The following SORCS1 variants were observed in gnomAD, a reference collection of about 807,000 sequenced individuals.
The protein encoded by SORCS1 is sortilin related VPS10 domain containing receptor 1.
SORCS1 carries 60 observed loss-of-function variants against 146.1 expected under a neutral mutation model. The ratio of observed to expected loss-of-function variants is 0.41; its 90% CI spans 0.33 to 0.51. The LOEUF (loss-of-function observed/expected upper bound fraction) is 0.51. Ranked by LOEUF, SORCS1 falls within the 20% of genes least tolerant of loss-of-function variation. The pLI is 0.21. For synonymous variants in SORCS1, 637 were observed against 584.0 expected, an observed-to-expected ratio of 1.09 and a Z score of -1.31; for missense variants, 1,352 against 1,487.6, an observed-to-expected ratio of 0.91 and a Z score of 1.50.
chr10:106,804,338 G>GAAAATAAAGTAAAAT lies in SORCS1; in HGVS notation c.726+25235_726+25236insATTTTACTTTATTTT, dbSNP rs1554847550. Among the ~76,000 whole-genome samples the GAAAATAAAGTAAAAT allele has an allele frequency of 4.2e-3, 585 of 138,336 alleles. 8 individuals carry two copies. Among genetic ancestry groups the GAAAATAAAGTAAAAT allele is most frequent in the African/African-American group, 0.015 (565 of 36,694 alleles). 90.8% of individuals were successfully genotyped at this position (138,336 alleles called of 152,430 possible). ...CAGAGTGAAACTCTGTTTCCGAAGA[G>GAAAATAAAGTAAAAT]AAAATAAAATAAAATAAAATAAAAT... On this transcript the variant is annotated intron_variant, in intron 3 of 25. Coordinates refer to ENST00000263054, the MANE Select transcript of SORCS1 (RefSeq NM_052918.5).
At chr10:106,686,550 GT>G (rs1433608691) in intron 10 of SORCS1, among the ~76,000 whole-genome samples, 14 of 152,248 alleles carry the variant, frequency 9.2e-5, no homozygotes, top group Admixed American at 5.9e-4. Flanking sequence ...AGGTGGCCCT[GT>G]TTTTTAAAAT....
At chr10:106,909,534 C>G (rs1257307375) in intron 2 of SORCS1, among the ~76,000 whole-genome samples, 1 of 152,172 alleles carries the variant, frequency 6.6e-6, no homozygotes, top group African/African-American at 2.4e-5. Context: ...CATTTCTCTA[C>G]TTAACCTCTG....
intron 1 of SORCS1, among the ~76,000 whole-genome samples, chr10:106,970,336 C>CTTTTTTTTTTTTTTTTTTTTTTCTT (rs766818370): frequency 1.1e-5 from 1 of 89,454 alleles, no homozygotes; most frequent in African/African-American, 5.4e-5. Flanking sequence ...ACCAACATCT[C>CTTTTTTTTTTTTTTTTTTTTTTCTT]TTTTTTTTTT....
At chr10:107,172,555 C>T in the SORCS1 span, among the ~76,000 whole-genome samples, 1 of 152,208 alleles carries the variant, frequency 6.6e-6, no homozygotes, top group Non-Finnish European at 1.5e-5. Flanking sequence ...TTAGCCATCT[C>T]CTCCATTAGA....
intron 24 of SORCS1, among the ~76,000 whole-genome samples, chr10:106,595,120 G>A (rs1007677435): frequency 6.6e-6 from 1 of 152,118 alleles, no homozygotes; most frequent in South Asian, 2.1e-4. Context: ...GTAGGAAAAG[G>A]CCAGTCAGGA....
chr10:106,736,844 T>C (rs962073279), intron 5 of SORCS1, among the ~76,000 whole-genome samples: 1 of 152,108 alleles, frequency 6.6e-6, no homozygotes, highest in Non-Finnish European at 1.5e-5. Context: ...CAAAGGTGCC[T>C]ACTAAAAATA....
chr10:106,730,613 C>G, intron 5 of SORCS1, among the ~76,000 whole-genome samples: 2 of 152,180 alleles, frequency 1.3e-5, no homozygotes, highest in East Asian at 3.9e-4. Flanking sequence ...AGTGATGATT[C>G]TCTGTATTGT....
chr10:106,596,263 C>T (rs1845898619), intron 24 of SORCS1, among the ~76,000 whole-genome samples: 1 of 152,316 alleles, frequency 6.6e-6, no homozygotes, highest in East Asian at 1.9e-4. Context: ...CTACACCGAA[C>T]TTCCCCACAC....
rs1389743092 is a variant in SORCS1 at position 106,829,794 on chromosome 10, T to C, written c.627-121A>G. 6 of 588,262 alleles carry C rather than the reference T, an allele frequency of 1.0e-5. 1 individual carries two copies. The Admixed American group carries it at 1.5e-4, about 15-fold the overall frequency. The allele number at this position is 588,262 out of a possible 1,614,324, so 36.4% of individuals were successfully genotyped here. On this transcript the variant is annotated intron_variant, in intron 2 of 25. Coordinates refer to ENST00000263054, the MANE Select transcript of SORCS1 (RefSeq NM_052918.5). ...GGAGGTTTCTCAATGATTCATGTAG[T>C]ATATAATGATGCTTAATTATGTACA... is the stretch of plus-strand genomic sequence containing the variant.
intron 1 of SORCS1, among the ~76,000 whole-genome samples, chr10:107,087,497 C>A (rs1963850994): frequency 6.6e-6 from 1 of 152,162 alleles, no homozygotes; most frequent in Non-Finnish European, 1.5e-5. Flanking sequence ...CAGTTTTAAC[C>A]TAACGGAATA....
chr10:107,164,015 G>A lies in SORCS1; in HGVS notation c.512C>T (p.Ser171Leu). ...TSTTFALTGDSAHNQAMVHWS... is the reference protein window; with the variant it reads ...TSTTFALTGDLAHNQAMVHWS... Reference sequence around the variant, plus strand: ...GTGGACCATGGCTTGGTTGTGTGCTGAGTCTCCCGTCAGCGCAAACGTGGT... The same window carrying A: ...GTGGACCATGGCTTGGTTGTGTGCTAAGTCTCCCGTCAGCGCAAACGTGGT... The change falls in exon 1 of 26, where the codon TCA (serine) becomes TTA (leucine). Residue 171 changes from serine to leucine, a missense_variant. By Grantham distance (145) the Ser-to-Leu change is moderately radical. Around this residue, in one of 3 missense-constraint regions of SORCS1, gnomAD observed 490 missense variants for 489.1 expected, o/e 1.00. Transcript: ENST00000263054. This position sits in a 1 kb window ranked among gnomAD's most constrained non-coding sequence, Gnocchi z 6.8. The A allele has an allele frequency of 6.2e-7, 1 of 1,614,018 alleles. No homozygotes were observed. The highest frequency in any genetic ancestry group is 8.5e-7 in the Non-Finnish European group (1 of 1,180,008).
At chr10:107,168,033 A>T (rs1332655911), upstream of SORCS1, among the ~76,000 whole-genome samples, 1 of 152,122 alleles carries the variant, frequency 6.6e-6, no homozygotes, top group Non-Finnish European at 1.5e-5. Flanking sequence ...TCACAAACAG[A>T]ATAATATCCA....
chr10:106,832,697 G>T (rs940287054), intron 2 of SORCS1, among the ~76,000 whole-genome samples: 13 of 152,250 alleles, frequency 8.5e-5, no homozygotes, highest in African/African-American at 2.9e-4. Flanking sequence ...GGCGGGGATG[G>T]TGGGAGAAGA....
intron 1 of SORCS1, among the ~76,000 whole-genome samples, chr10:107,048,844 G>A (rs1959790077): frequency 1.3e-5 from 2 of 152,186 alleles, no homozygotes; most frequent in Admixed American, 1.3e-4. Flanking sequence ...ACAGCCACAT[G>A]ACACTAAGGC....
intron 2 of SORCS1, among the ~76,000 whole-genome samples, chr10:106,833,443 A>G (rs1948651091): frequency 6.6e-6 from 1 of 152,220 alleles, no homozygotes; most frequent in Non-Finnish European, 1.5e-5. Flanking sequence ...AGAACCAACA[A>G]TCAGCCGGCG....
chr10:106,844,463 C>A lies in SORCS1; in HGVS notation c.627-14790G>T, dbSNP rs180728800. On this transcript the variant is annotated intron_variant, in intron 2 of 25. Coordinates refer to ENST00000263054, the MANE Select transcript of SORCS1 (RefSeq NM_052918.5). ...TTCAGGACTTATGTTTAAGTTTTTA[C>A]TCAATTTTTAATTGATTTTCATGTA... is the stretch of plus-strand genomic sequence containing the variant. Among the ~76,000 whole-genome samples, 807 of 151,930 alleles carry A rather than the reference C, an allele frequency of 5.3e-3. 10 individuals are homozygous for A. Among genetic ancestry groups the A allele is most frequent in the African/African-American group, 0.019 (792 of 41,476 alleles).
At chr10:106,724,913 G>C (rs905116468) in intron 6 of SORCS1, among the ~76,000 whole-genome samples, 1 of 152,314 alleles carries the variant, frequency 6.6e-6, no homozygotes, top group East Asian at 1.9e-4. Context: ...GCCAGCGTGG[G>C]TGGATCACTT....
At chr10:106,708,602 C>T (rs187438481) in intron 7 of SORCS1, among the ~76,000 whole-genome samples, 9 of 152,294 alleles carry the variant, frequency 5.9e-5, no homozygotes, top group Admixed American at 4.6e-4. Context: ...ACTCAGGAAA[C>T]GTCAGCTTCT....
chr10:106,595,987 T>G (rs983712589), intron 24 of SORCS1, among the ~76,000 whole-genome samples: 2 of 152,192 alleles, frequency 1.3e-5, no homozygotes, highest in Admixed American at 6.5e-5. Context: ...GACACTATCC[T>G]AAGTGCATTA....
Sources: allele counts gnomAD v4.1 joint callset (sites outside exome capture counted in the v4.1 genomes callset), GRCh38; gene constraint gnomAD v4.1.1; regional missense constraint gnomAD v4.1.1; non-coding constraint Gnocchi (gnomAD v3.1); transcripts MANE v1.5; gene names NCBI Gene and HGNC (gene_info 2026-07-23, HGNC 2026-07-21).